The following IGSF21 variants were observed in gnomAD, a reference collection of about 807,000 sequenced individuals.
The protein encoded by IGSF21 is immunoglobin superfamily member 21, also known as immunoglobulin superfamily member 21.
A neutral mutation model predicts 46.8 loss-of-function variants in IGSF21; 28 were observed. The observed-to-expected ratio is 0.60, with a 90% CI of 0.44 to 0.82. The LOEUF is 0.82. Ranked by LOEUF, IGSF21 falls within the 40% of genes least tolerant of loss-of-function variation. The pLI is 0.00. For missense variants in IGSF21, 624 were observed against 665.5 expected (o/e 0.94, Z 0.69); for synonymous variants, 284 against 273.6 (o/e 1.04, Z -0.38).
At chr1:18,180,468 G>A (rs756223684) in intron 1 of IGSF21, among the ~76,000 whole-genome samples, 2 of 152,194 alleles carry the variant, frequency 1.3e-5, no homozygotes, top group African/African-American at 2.4e-5. Context: ...AAACAAGCAT[G>A]CCCCACAGTC....
intron 3 of IGSF21, among the ~76,000 whole-genome samples, chr1:18,315,464 T>C (rs935984076): frequency 3.3e-5 from 5 of 152,228 alleles, no homozygotes; most frequent in African/African-American, 1.2e-4. Flanking sequence ...TTGCTCACTG[T>C]TATCTTCCTA....
chr1:18,128,168 A>G (rs2086289481), intron 1 of IGSF21, among the ~76,000 whole-genome samples: 1 of 152,188 alleles, frequency 6.6e-6, no homozygotes, highest in African/African-American at 2.4e-5. Context: ...ACAGGAGGCA[A>G]GAGCTTTGGC....
chr1:18,280,836 T>A (rs2085151725), intron 2 of IGSF21, among the ~76,000 whole-genome samples: 1 of 151,956 alleles, frequency 6.6e-6, no homozygotes, highest in Non-Finnish European at 1.5e-5. Flanking sequence ...GGGACCCCCA[T>A]GATCTCCTCC....
intron 2 of IGSF21, among the ~76,000 whole-genome samples, chr1:18,275,492 G>A (rs1190721322): frequency 6.6e-6 from 1 of 152,154 alleles, no homozygotes; most frequent in Non-Finnish European, 1.5e-5. Flanking sequence ...CAGACATGCA[G>A]CAGCCATAAG....
At chr1:18,146,508 A>T (rs2086468430) in intron 1 of IGSF21, among the ~76,000 whole-genome samples, 3 of 152,024 alleles carry the variant, frequency 2.0e-5, no homozygotes, top group Admixed American at 2.0e-4. Context: ...CAACGCAGGG[A>T]GGGATTGGGA....
chr1:18,215,339 G>C (rs2084433234), intron 1 of IGSF21, among the ~76,000 whole-genome samples: 1 of 152,230 alleles, frequency 6.6e-6, no homozygotes, highest in South Asian at 2.1e-4. Flanking sequence ...TGTAGTAACA[G>C]AGACAGGCAT....
In IGSF21 at chr1:18,359,396, A is replaced by C. The variant is rs577645370; in HGVS notation, c.425-2719A>C. Among the ~76,000 whole-genome samples the C allele has an allele frequency of 2.4e-3, 303 of 128,592 alleles. 5 individuals are homozygous for C. Among genetic ancestry groups the C allele is most frequent in the African/African-American group, 9.2e-3 (286 of 30,940 alleles). 84.4% of individuals were successfully genotyped at this position (128,592 alleles called of 152,430 possible). A position where few individuals can be genotyped will look rare whatever the true frequency, so the allele number is the denominator to read the frequency against. ...AAAGAAAGAAAGAAAGGAAGGAAGG[A>C]AGGAAGGAAGGAAGGAAGGAAGGAA... On this transcript the variant is annotated intron_variant, in intron 4 of 9. Transcript: ENST00000251296.
At chr1:18,209,273 G>C (rs557868593) in intron 1 of IGSF21, among the ~76,000 whole-genome samples, 1 of 152,134 alleles carries the variant, frequency 6.6e-6, no homozygotes, top group Non-Finnish European at 1.5e-5. Flanking sequence ...TATGATTCCT[G>C]CTTAATAGAT....
chr1:18,108,845 T>A (rs1006014962), intron 1 of IGSF21, among the ~76,000 whole-genome samples: 3 of 150,038 alleles, frequency 2.0e-5, no homozygotes, highest in African/African-American at 7.4e-5. Flanking sequence ...TCTGCTTATG[T>A]GGGATGGGTG....
chr1:18,152,337 G>C lies in IGSF21; in HGVS notation c.70+44139G>C, dbSNP rs1056921235. On this transcript the variant is annotated intron_variant, in intron 1 of 9. Coordinates refer to ENST00000251296, the MANE Select transcript of IGSF21 (RefSeq NM_032880.5). ...CTGCGTTCCACTGCATGCAGTCATC[G>C]TGCCCTGCCCTGGAGACACCTGTCC... is the stretch of plus-strand genomic sequence containing the variant. Among the ~76,000 whole-genome samples the C allele has an allele frequency of 3.9e-5, 6 of 152,176 alleles. No individual in the cohort carries two copies. The South Asian group carries it at 8.3e-4, about 21-fold the overall frequency.
intron 2 of IGSF21, among the ~76,000 whole-genome samples, chr1:18,287,193 T>TAAA (rs11351648): frequency 3.3e-5 from 1 of 30,342 alleles, no homozygotes; most frequent in Admixed American, 4.1e-4. Flanking sequence ...AAAAAAAAAA[T>TAAA]AAAATAAATA....
chr1:18,177,400 T>TGGGGATGGGGTCAGTGAG (rs2086812013), intron 1 of IGSF21, among the ~76,000 whole-genome samples: 4 of 38,176 alleles, frequency 1.0e-4, no homozygotes, highest in African/African-American at 2.5e-4. Flanking sequence ...GAGGTGTGTG[T>TGGGGATGGGGTCAGTGAG]GTGTGTGTGT....
intron 3 of IGSF21, among the ~76,000 whole-genome samples, chr1:18,329,462 C>CTG (rs2085691145): frequency 6.6e-6 from 1 of 152,180 alleles, no homozygotes; most frequent in Non-Finnish European, 1.5e-5. Context: ...CAGACTGTTT[C>CTG]CACTAACCTC....
intron 2 of IGSF21, among the ~76,000 whole-genome samples, chr1:18,249,672 C>T (rs1163499337): frequency 6.6e-6 from 1 of 152,208 alleles, no homozygotes; most frequent in African/African-American, 2.4e-5. Flanking sequence ...AGAGGAATGG[C>T]CCAGAGCCAT....
intron 2 of IGSF21, 143 bp downstream of exon 2, chr1:18,228,153 C>T (rs997227419): frequency 9.4e-6 from 6 of 640,958 alleles, no homozygotes; most frequent in African/African-American, 3.6e-5. Flanking sequence ...GCTGGGTCCC[C>T]GCCCTCTGCT....
rs182087169 is a variant in IGSF21, at chr1:18,290,933, C to A, written c.184-933C>A. 3.3e-5 allele frequency among the ~76,000 whole-genome samples: 5 copies of A among 152,216 alleles called. No individual in the cohort carries two copies. Among genetic ancestry groups the A allele is most frequent in the East Asian group, 1.9e-4 (1 of 5,156 alleles). On this transcript the variant is annotated intron_variant, in intron 2 of 9. Coordinates refer to ENST00000251296, the MANE Select transcript of IGSF21 (RefSeq NM_032880.5). The surrounding 1 kb of genome is among the most constrained non-coding windows in gnomAD (Gnocchi z 4.2). ...AGGCCTCCCCATTGCAGGCTGTTAGCGCAGAGCCCAGCTGAGCTGCGAGAG... is the reference window on the plus strand; with the variant it reads ...AGGCCTCCCCATTGCAGGCTGTTAGAGCAGAGCCCAGCTGAGCTGCGAGAG...
chr1:18,262,829 T>C (rs576334549), intron 2 of IGSF21, among the ~76,000 whole-genome samples: 1 of 152,338 alleles, frequency 6.6e-6, no homozygotes, highest in East Asian at 1.9e-4. Context: ...AGGGGCTGCC[T>C]GCGACCTGGC....
At chr1:18,233,662 T>C (rs2124511619) in intron 2 of IGSF21, among the ~76,000 whole-genome samples, 1 of 152,280 alleles carries the variant, frequency 6.6e-6, no homozygotes, top group African/African-American at 2.4e-5. Context: ...TTACAGGATC[T>C]AGAGAGGGAA....
At chr1:18,248,477 G>T (rs1055557882) in intron 2 of IGSF21, among the ~76,000 whole-genome samples, 1 of 152,142 alleles carries the variant, frequency 6.6e-6, no homozygotes, top group Non-Finnish European at 1.5e-5. Context: ...GAGGCTCGCT[G>T]TTGTGGCTTT....
Sources: allele counts gnomAD v4.1 joint callset (sites outside exome capture counted in the v4.1 genomes callset), GRCh38; gene constraint gnomAD v4.1.1; non-coding constraint Gnocchi (gnomAD v3.1); transcripts MANE v1.5; gene names NCBI Gene and HGNC (gene_info 2026-07-23, HGNC 2026-07-21).